Variants in SGCZ observed in about 807,000 individuals in gnomAD.
SGCZ encodes the protein zeta-sarcoglycan.
Under a neutral mutation model 41.3 loss-of-function variants are expected in SGCZ, and 40 were observed. That is an observed-to-expected ratio of 0.97 (90% CI 0.75 to 1.26). The LOEUF (loss-of-function observed/expected upper bound fraction) is 1.26, where lower values mean the gene tolerates loss of function less well. SGCZ is among the 50% of genes most tolerant of loss of function. The pLI, the probability that SGCZ is intolerant of heterozygous loss-of-function variation, is 0.00. For synonymous variants in SGCZ, 206 were observed against 137.5 expected (o/e 1.50, Z -3.49); for missense variants, 552 against 369.8 (o/e 1.49, Z -4.04).
chr8:14,288,887 TTC>T (rs1216093541), intron 3 of SGCZ, among the ~76,000 whole-genome samples: 8 of 152,278 alleles, frequency 5.3e-5, no homozygotes, highest in African/African-American at 1.7e-4. Context: ...TATTTTACAT[TTC>T]AACCAATAAT....
At chr8:14,408,954 TGTGTGTGTGTGTGTGTGCATGTGTGC>T (rs1395648448) in intron 2 of SGCZ, among the ~76,000 whole-genome samples, 2 of 118,910 alleles carry the variant, frequency 1.7e-5, no homozygotes, top group Non-Finnish European at 3.5e-5. Context: ...ATTAAGAGAG[TGTGTGTGTGTGTGTGTGCATGTGTGC>T]GTGTGTGTGT....
chr8:14,819,668 G>A (rs563289349), intron 1 of SGCZ, among the ~76,000 whole-genome samples: 2 of 152,102 alleles, frequency 1.3e-5, no homozygotes, highest in Admixed American at 6.5e-5. Flanking sequence ...ATAGCTCCAA[G>A]TAGTGGCTAA....
At chr8:14,820,064 T>G (rs1022341402) in intron 1 of SGCZ, among the ~76,000 whole-genome samples, 1 of 151,886 alleles carries the variant, frequency 6.6e-6, no homozygotes, top group African/African-American at 2.4e-5. Flanking sequence ...AATTAAAACA[T>G]AAGGTATAGA....
At chr8:15,078,810 C>A (rs572656387) in intron 1 of SGCZ, among the ~76,000 whole-genome samples, 2 of 151,782 alleles carry the variant, frequency 1.3e-5, no homozygotes, top group Admixed American at 1.3e-4. Flanking sequence ...AATTTAGGTT[C>A]ATTTTTGTTC....
At chr8:14,446,505 G>C (rs78973821) in intron 2 of SGCZ, among the ~76,000 whole-genome samples, 1 of 152,150 alleles carries the variant, frequency 6.6e-6, no homozygotes, top group Middle Eastern at 3.2e-3. Context: ...GACTTGAAGA[G>C]TGGTAATAAA....
chr8:14,113,025 C>A (rs1802420902), intron 5 of SGCZ, among the ~76,000 whole-genome samples: 1 of 152,056 alleles, frequency 6.6e-6, no homozygotes, highest in Non-Finnish European at 1.5e-5. Flanking sequence ...CAACCTATTT[C>A]AACATATACT....
At chr8:14,479,575 GCTATCA>G (rs1471882297) in intron 2 of SGCZ, among the ~76,000 whole-genome samples, 14 of 151,994 alleles carry the variant, frequency 9.2e-5, no homozygotes, top group Non-Finnish European at 1.6e-4. Flanking sequence ...TCTATTTAGA[GCTATCA>G]TCCCTGCAAT....
chr8:14,717,624 C>G (rs964823861), intron 1 of SGCZ, among the ~76,000 whole-genome samples: 2 of 152,056 alleles, frequency 1.3e-5, no homozygotes, highest in Non-Finnish European at 2.9e-5. Flanking sequence ...CTCAGAAAGA[C>G]TATGCTTCAT....
chr8:14,982,559 T>C (rs1801702718), intron 1 of SGCZ, among the ~76,000 whole-genome samples: 1 of 152,188 alleles, frequency 6.6e-6, no homozygotes, highest in Non-Finnish European at 1.5e-5. Context: ...ATTCACTGTC[T>C]TCTACCTCCT....
intron 1 of SGCZ, among the ~76,000 whole-genome samples, chr8:14,960,931 GCACACACACACACA>G (rs56258079): frequency 2.1e-5 from 3 of 144,370 alleles, no homozygotes; most frequent in South Asian, 2.3e-4. Context: ...CAAGGAAATG[GCACACACACACACA>G]CACACACACA....
chr8:14,164,907 A>G (rs958836166), intron 4 of SGCZ: 4 of 584,474 alleles, frequency 6.8e-6, no homozygotes, highest in East Asian at 3.3e-5. Flanking sequence ...CTGGTTAGGC[A>G]TACAGGTGAC....
intron 1 of SGCZ, among the ~76,000 whole-genome samples, chr8:14,795,750 T>A (rs1801102341): frequency 6.6e-6 from 1 of 152,196 alleles, no homozygotes; most frequent in African/African-American, 2.4e-5. Flanking sequence ...GGAGGTTTGT[T>A]GTACAGATTA....
intron 3 of SGCZ, among the ~76,000 whole-genome samples, chr8:14,276,670 T>G (rs1670818604): frequency 6.6e-6 from 1 of 152,186 alleles, no homozygotes; most frequent in Non-Finnish European, 1.5e-5. Flanking sequence ...TTCTTTCCAA[T>G]TTGTATTTTA....
At chr8:15,046,149 A>C (rs1235282388) in intron 1 of SGCZ, among the ~76,000 whole-genome samples, 1 of 152,052 alleles carries the variant, frequency 6.6e-6, no homozygotes, top group African/African-American at 2.4e-5. Flanking sequence ...TATAATATAG[A>C]GCACATGTTT....
At chr8:15,219,487 G>A (rs1441539784) in intron 1 of SGCZ, among the ~76,000 whole-genome samples, 1 of 152,142 alleles carries the variant, frequency 6.6e-6, no homozygotes, top group Non-Finnish European at 1.5e-5. Context: ...CAATAGAATG[G>A]TCATCTGAGA....
At chr8:14,610,535 A>G (rs1157210479) in intron 1 of SGCZ, among the ~76,000 whole-genome samples, 1 of 152,158 alleles carries the variant, frequency 6.6e-6, no homozygotes, top group African/African-American at 2.4e-5. Context: ...CTTGTGTCAC[A>G]TAAAACTCAT....
chr8:14,714,005 G>C (rs189894202), intron 1 of SGCZ, among the ~76,000 whole-genome samples: 1 of 152,116 alleles, frequency 6.6e-6, no homozygotes, highest in Admixed American at 6.6e-5. Context: ...GTCTCACTCT[G>C]TACCCAGGCT....
At chr8:14,584,558 A>G (rs1005032892) in intron 1 of SGCZ, among the ~76,000 whole-genome samples, 8 of 152,160 alleles carry the variant, frequency 5.3e-5, no homozygotes, top group African/African-American at 1.9e-4. Context: ...ACATGAGGAA[A>G]CAAGGTAATT....
intron 1 of SGCZ, among the ~76,000 whole-genome samples, chr8:15,199,192 T>C (rs1800821632): frequency 6.6e-6 from 1 of 152,194 alleles, no homozygotes; most frequent in Non-Finnish European, 1.5e-5. Context: ...CGTTCTTTCA[T>C]TCCTCATGTC....
Sources: gnomAD v4.1 joint callset for allele counts (sites outside exome capture counted in the v4.1 genomes callset) on GRCh38, gnomAD v4.1.1 for gene constraint, MANE v1.5 for transcripts, NCBI Gene and HGNC (gene_info 2026-07-23, HGNC 2026-07-21) for gene names.